Variants in MYCBP2 observed in about 807,000 individuals in gnomAD.
MYCBP2 encodes MYC binding protein 2, also known as E3 ubiquitin-protein ligase MYCBP2.
In MYCBP2, 120 loss-of-function variants were observed where a neutral mutation model predicts 525.3. The observed-to-expected ratio is 0.23, with a 90% CI of 0.20 to 0.27. MYCBP2 has a LOEUF of 0.27. MYCBP2 is among the 10% of genes least tolerant of loss of function. The probability of loss-of-function intolerance (pLI) is 1.00; values close to 1 mark genes in which losing one functional copy is unlikely to be tolerated. For synonymous variants in MYCBP2, 1,894 were observed against 1,955.8 expected (o/e 0.97, Z 0.83); for missense variants, 4,149 against 5,657.1 (o/e 0.73, Z 8.55).
In MYCBP2 at chr13:77,066,397, G is replaced by A. The variant is rs112402430; in HGVS notation, c.12456-309C>T. 2.1e-3 allele frequency among the ~76,000 whole-genome samples: 313 copies of A among 152,196 alleles called. 2 individuals are homozygous for A. Among genetic ancestry groups the A allele is most frequent in the African/African-American group, 5.5e-3 (228 of 41,520 alleles). On this transcript the variant is annotated intron_variant, in intron 71 of 82. Coordinates refer to ENST00000544440, the MANE Select transcript of MYCBP2 (RefSeq NM_015057.5). ...CATGCGGATAATGTGGAGCTTAACCGGAATATAAATTCACTGTATCACTAA... is the reference window on the plus strand; with the variant it reads ...CATGCGGATAATGTGGAGCTTAACCAGAATATAAATTCACTGTATCACTAA...
intron 38 of MYCBP2, 37 bp from the exon 39 acceptor site, chr13:77,169,751 A>C (rs1396551177): frequency 2.4e-5 from 36 of 1,526,380 alleles, no homozygotes; most frequent in Non-Finnish European, 3.1e-5. Flanking sequence ...AACTATAGTC[A>C]GAAGGTAATT....
intron 30 of MYCBP2, 73 bp downstream of exon 30, chr13:77,188,878 A>G (rs1595262239): frequency 1.0e-6 from 1 of 954,864 alleles, no homozygotes; most frequent in South Asian, 2.0e-5. Context: ...TTACAAGAGC[A>G]GCTAAACTCT....
At chr13:77,265,227 A>T (rs1357252907) in intron 8 of MYCBP2, among the ~76,000 whole-genome samples, 1 of 152,122 alleles carries the variant, frequency 6.6e-6, no homozygotes, top group Admixed American at 6.6e-5. Flanking sequence ...AGAAATCAAA[A>T]GAAAGAGTTC....
At chr13:77,243,997 C>CCTAATTTGT in intron 15 of MYCBP2, 46 bp from the exon 16 acceptor site, 1 of 1,457,674 alleles carries the variant, frequency 6.9e-7, no homozygotes, top group Non-Finnish European at 9.1e-7. Flanking sequence ...CTGAGATATT[C>CCTAATTTGT]CTAATTTGTC....
chr13:77,101,596 T>A (rs1300270901), intron 55 of MYCBP2, among the ~76,000 whole-genome samples: 1 of 152,048 alleles, frequency 6.6e-6, no homozygotes, highest in African/African-American at 2.4e-5. Flanking sequence ...ATATCTCTAA[T>A]AGTGGTGAAT....
chr13:77,244,785 C>A (rs1223236211), intron 15 of MYCBP2, among the ~76,000 whole-genome samples: 1 of 152,148 alleles, frequency 6.6e-6, no homozygotes, highest in African/African-American at 2.4e-5. Context: ...GGGCTAATAT[C>A]CAGAATCTAC....
intron 15 of MYCBP2, among the ~76,000 whole-genome samples, chr13:77,249,272 T>C (rs1346631778): frequency 6.6e-6 from 1 of 152,218 alleles, no homozygotes; most frequent in Non-Finnish European, 1.5e-5. Context: ...GTCAATTTTA[T>C]ATGTACTTTA....
chr13:77,095,693 T>G (rs1164721941), intron 57 of MYCBP2, 91 bp from the exon 58 acceptor site: 1 of 1,399,952 alleles, frequency 7.1e-7, no homozygotes, highest in Middle Eastern at 2.0e-4. Flanking sequence ...CCAATAAAAA[T>G]TATTAAACAC....
At chr13:77,257,886 A>T (rs1052375891) in intron 13 of MYCBP2, 57 bp from the exon 14 acceptor site, 2 of 1,420,800 alleles carry the variant, frequency 1.4e-6, no homozygotes, top group African/African-American at 2.9e-5. Context: ...TGAGCCTAGT[A>T]AAAGAACTAC....
chr13:77,206,792 G>A lies in MYCBP2; in HGVS notation c.3450C>T (p.Tyr1150=). 2 of 1,610,562 alleles carry A rather than the reference G, an allele frequency of 1.2e-6. No individual in the cohort carries two copies. The highest frequency in any genetic ancestry group is 1.7e-6 in the Non-Finnish European group (2 of 1,177,892). Residue 1150 remains tyrosine, a synonymous_variant, in exon 24 of 83, where the codon TAC becomes TAT. Coordinates refer to ENST00000544440, the MANE Select transcript of MYCBP2 (RefSeq NM_015057.5). ...GCCTGGCATCAGCAACCACCGCATTGTAACACCACAGCTCTCTAGTATTTG... is the reference window on the plus strand; with the variant it reads ...GCCTGGCATCAGCAACCACCGCATTATAACACCACAGCTCTCTAGTATTTG... ...FRPNTRELWC[Y]NAVVADARLP...
rs1379839688 is a variant in MYCBP2, at chr13:77,273,481, T to C, written c.936A>G (p.Gln312=). Residue 312 remains glutamine (Q), a synonymous_variant, in exon 5 of 83, where the codon CAA becomes CAG. Coordinates refer to ENST00000544440, the MANE Select transcript of MYCBP2 (RefSeq NM_015057.5). Reference sequence around the variant, plus strand: ...TATAAATATGAAATACCTGAATAGTTTGGCAAGCATGGCTTCCATTGTTGG... The same window carrying C: ...TATAAATATGAAATACCTGAATAGTCTGGCAAGCATGGCTTCCATTGTTGG... ...ILTNNGSHAC[Q]TIQVPTILNS... is the part of the protein sequence containing the mutation. 3.8e-6 allele frequency: 6 copies of C among 1,583,790 alleles called. No homozygotes were observed. The highest frequency in any genetic ancestry group is 2.7e-5 in the African/African-American group (2 of 73,260).
intron 60 of MYCBP2, among the ~76,000 whole-genome samples, chr13:77,089,768 G>C (rs1400663822): frequency 3.3e-5 from 5 of 151,854 alleles, no homozygotes; most frequent in Non-Finnish European, 1.5e-5. Flanking sequence ...AGATAACTGT[G>C]AATGTGTACG....
chr13:77,169,312 C>T (rs9600828), intron 39 of MYCBP2, among the ~76,000 whole-genome samples: 4,292 of 148,414 alleles, frequency 0.029, 217 homozygotes, highest in African/African-American at 0.099. Context: ...AGGAGAATGG[C>T]GTGAACCCGG....
At position 77,089,018 on chromosome 13, in the gene MYCBP2, G is replaced by A. The variant is rs2044862979; in HGVS notation, c.10539C>T (p.Ser3513=). Residue 3513 remains serine (S), a synonymous_variant, in exon 61 of 83, where the codon TCC becomes TCT. Transcript: ENST00000544440. ...VNSGDTEVGS[S]LLRHPSPELS... ...GCTCAGGAGACGGATGTCTCAAAAG[G>A]GAAGAACCAACTTCTATTAAAGAAA... 3.7e-6 allele frequency: 6 copies of A among 1,610,308 alleles called. No homozygotes were observed. The South Asian group carries it at 6.6e-5, about 18-fold the overall frequency.
intron 2 of MYCBP2, among the ~76,000 whole-genome samples, chr13:77,288,941 T>TCA (rs2077181598): frequency 6.6e-6 from 1 of 152,202 alleles, no homozygotes; most frequent in South Asian, 2.1e-4. Flanking sequence ...TGATAAAGGC[T>TCA]AAAAATCATG....
chr13:77,233,346 A>C, intron 17 of MYCBP2, 83 bp from the exon 18 acceptor site: 1 of 1,102,654 alleles, frequency 9.1e-7, no homozygotes, highest in Non-Finnish European at 1.3e-6. Context: ...TCAAACTAAA[A>C]AGCATAAAAA....
At chr13:77,295,715 G>C (rs1344696678) in intron 2 of MYCBP2, among the ~76,000 whole-genome samples, 1 of 152,212 alleles carries the variant, frequency 6.6e-6, no homozygotes, top group South Asian at 2.1e-4. Context: ...ATAGAAAAGA[G>C]ACTGTTATAT....
rs1555465652 is a variant in MYCBP2 at position 77,294,116 on chromosome 13, A to ATATACATATATATATATATATATATATG, written c.378+2482_378+2483insCATATATATATATATATATATATGTATA. Among the ~76,000 whole-genome samples, 6 of 57,462 alleles carry ATATACATATATATATATATATATATATG rather than the reference A, an allele frequency of 1.0e-4. 1 individual carries two copies. The highest frequency in any genetic ancestry group is 2.9e-4 in the Admixed American group (1 of 3,486). The allele number at this position is 57,462 out of a possible 152,430, so 37.7% of individuals were successfully genotyped here. ...GTAGATATAATGGCTATATATATAT[A>ATATACATATATATATATATATATATATG]TATATATATATATACATATATATAT... On this transcript the variant is annotated intron_variant, in intron 2 of 82. Transcript: ENST00000544440.
At chr13:77,161,584 G>C (rs1393400491) in intron 44 of MYCBP2, among the ~76,000 whole-genome samples, 1 of 152,068 alleles carries the variant, frequency 6.6e-6, no homozygotes, top group Admixed American at 6.5e-5. Context: ...GGCAAAAAAA[G>C]AAAAACAAAT....
Sources: allele counts gnomAD v4.1 joint callset (sites outside exome capture counted in the v4.1 genomes callset), GRCh38; gene constraint gnomAD v4.1.1; transcripts MANE v1.5; gene names NCBI Gene and HGNC (gene_info 2026-07-23, HGNC 2026-07-21).